Variants in TGM1 observed in about 807,000 individuals in gnomAD.
The protein encoded by TGM1 is transglutaminase 1, also known as protein-glutamine gamma-glutamyltransferase K.
In TGM1, 63 loss-of-function variants were observed where a neutral mutation model predicts 88.7. The observed-to-expected ratio is 0.71, with a 90% confidence interval of 0.58 to 0.88. The LOEUF (loss-of-function observed/expected upper bound fraction) is 0.88, where lower values mean the gene tolerates loss of function less well. Ranked by LOEUF, TGM1 falls within the 40% of genes least tolerant of loss-of-function variation. TGM1 has a pLI of 0.00. For synonymous variants in TGM1, 415 were observed against 431.1 expected (o/e 0.96, Z 0.46); for missense variants, 996 against 1,118.0 (o/e 0.89, Z 1.56).
chr14:24,254,415 T>C lies in TGM1; in HGVS notation c.2089-127A>G. 2.1e-6 allele frequency: 3 copies of C among 1,426,050 alleles called. No homozygotes were observed. The South Asian group carries it at 3.7e-5, about 17-fold the overall frequency. The allele number at this position is 1,426,050 out of a possible 1,614,324, so 88.3% of individuals were successfully genotyped here. ...TCCCCGAGTCCCACATTTATCCTCC[T>C]GAGAGAAGATTCCCCAGAAGTCAGA... On this transcript the variant is annotated intron_variant, in intron 13 of 14. Coordinates refer to ENST00000206765, the MANE Select transcript of TGM1 (RefSeq NM_000359.3).
intron 14 of TGM1, 108 bp downstream of exon 14, chr14:24,254,044 C>T: frequency 1.3e-6 from 2 of 1,505,422 alleles, no homozygotes; most frequent in Non-Finnish European, 1.8e-6. Flanking sequence ...TGGTTGGGTC[C>T]TGACAGAACA....
In TGM1 at chr14:24,258,412, TGGGTCTGAGCCCCA is replaced by T. The variant is rs1051318792; in HGVS notation, c.1299-38_1299-25del. On this transcript the variant is annotated intron_variant, in intron 8 of 14. Transcript: ENST00000206765. ...TCCTGGATGGACATGGAGGAGGGGC[TGGGTCTGAGCCCCA>T]GGGTCAGGAGTCCTCAGTTTCCCCA... is the stretch of plus-strand genomic sequence containing the variant. 15 of 1,613,028 alleles carry T rather than the reference TGGGTCTGAGCCCCA, an allele frequency of 9.3e-6. No individual in the cohort carries two copies. In the African/African-American group the frequency reaches 1.7e-4, roughly 19 times the overall value.
At chr14:24,253,500 C>G (rs1024110487) in intron 14 of TGM1, among the ~76,000 whole-genome samples, 3 of 152,002 alleles carry the variant, frequency 2.0e-5, no homozygotes, top group African/African-American at 7.2e-5. Context: ...GAGAGACACA[C>G]GGGGTCTCAC....
At chr14:24,254,130 TA>T in intron 14 of TGM1, 21 bp downstream of exon 14, 1 of 1,601,756 alleles carries the variant, frequency 6.2e-7, no homozygotes, top group Non-Finnish European at 8.5e-7. Context: ...GAAGCAGGGG[TA>T]GGGGGAGAGG....
In TGM1 at chr14:24,249,385, G is replaced by GC. The variant is rs949960795; in HGVS notation, c.2381dup (p.Phe795LeufsTer8). 1.2e-6 allele frequency: 2 copies of GC among 1,613,948 alleles called. No homozygotes were observed. The highest frequency in any genetic ancestry group is 8.5e-7 in the Non-Finnish European group (1 of 1,180,020). ...TGTCACCTCCAGCGTCTGAGAAGAAGCCCCCATCCCCAGGGGCTGGGGCCA... is the reference window on the plus strand; with the variant it reads ...TGTCACCTCCAGCGTCTGAGAAGAAGCCCCCCATCCCCAGGGGCTGGGGCCA... On this transcript the variant is annotated frameshift_variant, in exon 15 of 15. Coordinates refer to ENST00000206765, the MANE Select transcript of TGM1 (RefSeq NM_000359.3). LOFTEE classifies it high-confidence loss of function.
At chr14:24,261,312 G>C (rs1031900296) in intron 3 of TGM1, among the ~76,000 whole-genome samples, 1 of 152,196 alleles carries the variant, frequency 6.6e-6, no homozygotes, top group South Asian at 2.1e-4. Flanking sequence ...GAGAGAGACA[G>C]AATTGGCAGA....
chr14:24,257,067 G>C (rs879279218), intron 9 of TGM1, among the ~76,000 whole-genome samples: 1 of 152,220 alleles, frequency 6.6e-6, no homozygotes, highest in Admixed American at 6.5e-5. Flanking sequence ...CCCCCTGCCT[G>C]ATGTCCACCC....
intron 1 of TGM1, 94 bp from the exon 2 acceptor site, chr14:24,262,448 C>A: frequency 7.4e-7 from 1 of 1,356,778 alleles, no homozygotes. Flanking sequence ...CAGTCCCACC[C>A]GATGACCGAA....
At chr14:24,258,747 G>A in intron 7 of TGM1, 74 bp from the exon 8 acceptor site, 6 of 1,592,970 alleles carry the variant, frequency 3.8e-6, no homozygotes, top group Non-Finnish European at 4.3e-6. Flanking sequence ...GAGTATCAGG[G>A]GGAGAAGGGC....
At chr14:24,257,563 C>T (rs932560533) in intron 9 of TGM1, among the ~76,000 whole-genome samples, 7 of 152,274 alleles carry the variant, frequency 4.6e-5, no homozygotes, top group Non-Finnish European at 8.8e-5. Flanking sequence ...GGAAGGAACT[C>T]GTTGAAAGCA....
Position 24,259,321 on chromosome 14 carries a change from C to T in TGM1, c.985-72G>A, listed in dbSNP as rs1338464474. The T allele has an allele frequency of 2.7e-6, 4 of 1,468,460 alleles. No individual in the cohort carries two copies. The highest frequency in any genetic ancestry group is 1.2e-5 in the South Asian group (1 of 83,068). 91.0% of individuals were successfully genotyped at this position (1,468,460 alleles called of 1,614,324 possible). Reference sequence around the variant, plus strand: ...GGACCTGCCATGTGGTCCATGGGGACCAGCCGGGCCCCGATCCTGCAACCA... The same window carrying T: ...GGACCTGCCATGTGGTCCATGGGGATCAGCCGGGCCCCGATCCTGCAACCA... On this transcript the variant is annotated intron_variant, in intron 6 of 14. Transcript: ENST00000206765. This position sits in a 1 kb window ranked among gnomAD's most constrained non-coding sequence, Gnocchi z 5.7.
At chr14:24,253,230 T>A (rs2040715760) in intron 14 of TGM1, among the ~76,000 whole-genome samples, 1 of 152,146 alleles carries the variant, frequency 6.6e-6, no homozygotes, top group Non-Finnish European at 1.5e-5. Flanking sequence ...ATAATGGCAA[T>A]AATAAAAATA....
intron 13 of TGM1, 106 bp from the exon 14 acceptor site, chr14:24,254,394 C>T (rs1031635268): frequency 9.8e-6 from 15 of 1,529,954 alleles, no homozygotes; most frequent in South Asian, 4.6e-5. Flanking sequence ...AAAACCTCCC[C>T]GAGTCCCACA....
Position 24,250,206 on chromosome 14 carries a change from A to AAC in TGM1, c.2226-667_2226-666dup, listed in dbSNP as rs137858640. Among the ~76,000 whole-genome samples the AAC allele has an allele frequency of 6.7e-3, 939 of 139,752 alleles. 6 individuals carry two copies. Among genetic ancestry groups the AAC allele is most frequent in the African/African-American group, 0.024 (872 of 37,002 alleles). The allele number at this position is 139,752 out of a possible 152,430, so 91.7% of individuals were successfully genotyped here. A position where few individuals can be genotyped will look rare whatever the true frequency, so the allele number is the denominator to read the frequency against. On this transcript the variant is annotated intron_variant, in intron 14 of 14. Coordinates refer to ENST00000206765, the MANE Select transcript of TGM1 (RefSeq NM_000359.3). The stretch of plus-strand genomic sequence containing the variant: ...AGAGAGACAGAGAGGTGGGTGGACA[A>AAC]ACACACACACACACACACAACCAGT...
Position 24,260,554 on chromosome 14 carries a change from C to T in TGM1, c.653G>A (p.Gly218Asp), listed in dbSNP as rs775437367. 6.2e-7 allele frequency: 1 copy of T among 1,614,220 alleles called. No individual in the cohort carries two copies. Among genetic ancestry groups the T allele is most frequent in the Non-Finnish European group, 8.5e-7 (1 of 1,180,038 alleles). The change falls in exon 4 of 15, where the codon GGC (glycine) becomes GAC (aspartate). Residue 218 changes from glycine (G) to aspartate (D), a missense_variant. By Grantham distance (94) the Gly-to-Asp change is moderately conservative. Transcript: ENST00000206765. ...TGTGCGGACTGTGAACTGAAACTTG[C>T]CGATGATGGCGTTGGGGGAAGTGTG... ...RVHTSPNAIIGKFQFTVRTQS... is the reference protein window; with the variant it reads ...RVHTSPNAIIDKFQFTVRTQS...
At position 24,262,206 on chromosome 14, in the gene TGM1, G is replaced by A; in HGVS notation, c.147C>T (p.Gly49=). The stretch of plus-strand genomic sequence containing the variant: ...CTGCCGCATTTCGGCATGAACAGCA[G>A]CCACAGCAGCGAGCCCAGAAGGAAC... ...GGRSFWARCC[G]CCSCRNAADD... Residue 49 remains glycine, a synonymous_variant, in exon 2 of 15, where the codon GGC becomes GGT. Transcript: ENST00000206765. 1 of 1,613,866 alleles carries A rather than the reference G, an allele frequency of 6.2e-7. No individual in the cohort carries two copies. Among genetic ancestry groups the A allele is most frequent in the South Asian group, 1.1e-5 (1 of 91,086 alleles).
intron 7 of TGM1, 139 bp downstream of exon 7, chr14:24,258,936 T>C: frequency 9.9e-7 from 1 of 1,011,544 alleles, no homozygotes. Context: ...CACTAATTAA[T>C]GATAATTAAG....
Position 24,254,711 on chromosome 14 carries a change from C to A in TGM1, c.2041G>T (p.Ala681Ser). 1.2e-6 allele frequency: 2 copies of A among 1,614,022 alleles called. No homozygotes were observed. Among genetic ancestry groups the A allele is most frequent in the East Asian group, 2.2e-5 (1 of 44,892 alleles). Residue 681 changes from alanine to serine, a missense_variant, in exon 13 of 15, where the codon GCC becomes TCC. Physicochemically the swap from Ala to Ser is moderately conservative, Grantham distance 99 (BLOSUM62 1). Transcript: ENST00000206765. ...GHVKESGQVLAKQHTFRLRTP... is the reference protein window; with the variant it reads ...GHVKESGQVLSKQHTFRLRTP... ...CGCAGACGGAAGGTGTGCTGCTTGG[C>A]CAGCACCTGCCCGCTCTCCTTGACG...
In TGM1 at chr14:24,259,638, AGGGTGGG is replaced by A; in HGVS notation, c.984+59_984+65del. The A allele has an allele frequency of 7.5e-7, 1 of 1,330,082 alleles. No individual in the cohort carries two copies. Among genetic ancestry groups the A allele is most frequent in the Middle Eastern group, 2.1e-4 (1 of 4,796 alleles). The allele number at this position is 1,330,082 out of a possible 1,614,324, so 82.4% of individuals were successfully genotyped here. A position where few individuals can be genotyped will look rare whatever the true frequency, so the allele number is the denominator to read the frequency against. ...TGAGGAATCCAGAAAGGGCAGGAGG[AGGGTGGG>A]GGTGTGGCGAGGCAGCAGGCACACA... On this transcript the variant is annotated intron_variant, in intron 6 of 14. Coordinates refer to ENST00000206765, the MANE Select transcript of TGM1 (RefSeq NM_000359.3). This position sits in a 1 kb window ranked among gnomAD's most constrained non-coding sequence, Gnocchi z 5.7.
Sources: gnomAD v4.1 joint callset for allele counts (sites outside exome capture counted in the v4.1 genomes callset) on GRCh38, gnomAD v4.1.1 for gene constraint, Gnocchi (gnomAD v3.1) non-coding constraint, MANE v1.5 for transcripts, NCBI Gene and HGNC (gene_info 2026-07-23, HGNC 2026-07-21) for gene names.